PTPRN2: variants seen among roughly 807,000 people sequenced by gnomAD.
PTPRN2 encodes the protein receptor-type tyrosine-protein phosphatase N2.
In PTPRN2, 74 loss-of-function variants were observed where a neutral mutation model predicts 118.8. That is an observed-to-expected ratio of 0.62 (90% CI 0.52 to 0.76). PTPRN2 has a LOEUF of 0.76. PTPRN2 is among the 30% of genes least tolerant of loss of function. The pLI, the probability that PTPRN2 is intolerant of heterozygous loss-of-function variation, is 0.00. For synonymous variants in PTPRN2, 641 were observed against 608.0 expected, an observed-to-expected ratio of 1.05 and a Z score of -0.80; for missense variants, 1,481 against 1,394.4, an observed-to-expected ratio of 1.06 and a Z score of -0.99.
At chr7:157,946,789 AGT>A (rs1800515017) in intron 11 of PTPRN2, among the ~76,000 whole-genome samples, 1 of 152,260 alleles carries the variant, frequency 6.6e-6, no homozygotes, top group Non-Finnish European at 1.5e-5. Flanking sequence ...CCAGAAGCCA[AGT>A]GAGAGAACGG....
chr7:157,678,400 G>A lies in PTPRN2; in HGVS notation c.2001+4325C>T, dbSNP rs79631141. Among the ~76,000 whole-genome samples, 927 of 152,280 alleles carry A rather than the reference G, an allele frequency of 6.1e-3. 43 individuals are homozygous for A. In the South Asian group the frequency reaches 0.11, roughly 19 times the overall value. ...ATTACTCGTGATTACACCAATGCCT[G>A]AAGATTAAACTCACCTAGAGAAAGA... On this transcript the variant is annotated intron_variant, in intron 13 of 22. Transcript: ENST00000389418.
At chr7:157,952,691 C>T (rs1800912824) in intron 11 of PTPRN2, among the ~76,000 whole-genome samples, 1 of 152,122 alleles carries the variant, frequency 6.6e-6, no homozygotes, top group Non-Finnish European at 1.5e-5. Context: ...CTGGGTCTGT[C>T]AGCCTCTTTC....
At chr7:158,382,920 C>T (rs141905189) in intron 2 of PTPRN2, among the ~76,000 whole-genome samples, 170 of 152,304 alleles carry the variant, frequency 1.1e-3, no homozygotes, top group African/African-American at 3.8e-3. Flanking sequence ...AAACATATTG[C>T]ACTTGGATCT....
At chr7:157,686,441 C>T (rs1797197945) in intron 12 of PTPRN2, among the ~76,000 whole-genome samples, 1 of 152,184 alleles carries the variant, frequency 6.6e-6, no homozygotes, top group African/African-American at 2.4e-5. Context: ...AATCTTCAAA[C>T]TCCTGCTAGC....
In PTPRN2 at chr7:157,789,795, G is replaced by GTA. The variant is rs1491381726; in HGVS notation, c.1789-106859_1789-106858insTA. Among the ~76,000 whole-genome samples, 26 of 145,678 alleles carry GTA rather than the reference G, an allele frequency of 1.8e-4. 1 individual carries two copies. Among genetic ancestry groups the GTA allele is most frequent in the Admixed American group, 1.8e-3 (26 of 14,846 alleles). ...TGTGTGTGTATATGGTATGTGTGTG[G>GTA]TGTGTGTGTGATGTGTGTAGTATGT... On this transcript the variant is annotated intron_variant, in intron 12 of 22. Coordinates refer to ENST00000389418, the MANE Select transcript of PTPRN2 (RefSeq NM_002847.5).
intron 12 of PTPRN2, among the ~76,000 whole-genome samples, chr7:157,817,820 T>A (rs1352931281): frequency 6.6e-6 from 1 of 152,032 alleles, no homozygotes; most frequent in African/African-American, 2.4e-5. Context: ...TGTGTGCATG[T>A]TTGGTGTGTG....
chr7:158,386,975 C>T (rs2151364238), intron 2 of PTPRN2, among the ~76,000 whole-genome samples: 1 of 152,336 alleles, frequency 6.6e-6, no homozygotes, highest in South Asian at 2.1e-4. Flanking sequence ...GCACTCGCCA[C>T]AGGGGTGGGC....
chr7:158,269,804 GGACA>G (rs1202051430), intron 3 of PTPRN2, among the ~76,000 whole-genome samples: 1 of 151,372 alleles, frequency 6.6e-6, no homozygotes, highest in East Asian at 1.9e-4. Context: ...AGCAGGAGAG[GGACA>G]GAGACAGAGA....
chr7:157,544,987 T>C (rs1798213142), intron 22 of PTPRN2, among the ~76,000 whole-genome samples: 3 of 143,340 alleles, frequency 2.1e-5, no homozygotes, highest in African/African-American at 8.0e-5. Flanking sequence ...TGTGCAGGTG[T>C]GTGGGTGTGC....
chr7:157,583,797 G>A lies in PTPRN2; in HGVS notation c.2497-5657C>T, dbSNP rs543025053. Among the ~76,000 whole-genome samples the A allele has an allele frequency of 1.1e-4, 17 of 152,210 alleles. No individual in the cohort carries two copies. The East Asian group carries it at 3.3e-3, about 29-fold the overall frequency. Reference sequence around the variant, plus strand: ...CTCAGGAGGCTGAGGCAGGAGAACTGCTTGTGCCTGGAAGGCAGAGGTTGC... The same window carrying A: ...CTCAGGAGGCTGAGGCAGGAGAACTACTTGTGCCTGGAAGGCAGAGGTTGC... On this transcript the variant is annotated intron_variant, in intron 17 of 22. Transcript: ENST00000389418. This position sits in a 1 kb window ranked among gnomAD's most constrained non-coding sequence, Gnocchi z 5.5.
intron 12 of PTPRN2, among the ~76,000 whole-genome samples, chr7:157,744,565 A>C (rs36088156): frequency 6.6e-6 from 1 of 152,238 alleles, no homozygotes; most frequent in Non-Finnish European, 1.5e-5. Context: ...TAGAGGTATA[A>C]TATAGTAGCC....
chr7:158,210,131 CTTTTTT>C (rs869191127), intron 3 of PTPRN2, among the ~76,000 whole-genome samples: 1 of 108,666 alleles, frequency 9.2e-6, no homozygotes, highest in East Asian at 3.1e-4. Flanking sequence ...AATGATGCAT[CTTTTTT>C]TTTTTTTTTT....
chr7:157,993,195 C>G (rs1804383808), intron 11 of PTPRN2, among the ~76,000 whole-genome samples: 1 of 152,178 alleles, frequency 6.6e-6, no homozygotes, highest in Non-Finnish European at 1.5e-5. Flanking sequence ...GATTTTCTAT[C>G]AAAACGTAAA....
Position 158,557,857 on chromosome 7 carries a change from G to C in PTPRN2, c.112+29701C>G, listed in dbSNP as rs112903687. On this transcript the variant is annotated intron_variant, in intron 1 of 22. Transcript: ENST00000389418. ...GAAACCCCCGTGGTCCACTCTCCTA[G>C]TGAGGCACCTCGCCCTCTTCCCAGC... Among the ~76,000 whole-genome samples the C allele has an allele frequency of 7.6e-3, 1,158 of 152,302 alleles. 12 individuals carry two copies. The highest frequency in any genetic ancestry group is 0.026 in the African/African-American group (1,094 of 41,564).
At chr7:157,677,237 T>C (rs1458426131) in intron 13 of PTPRN2, among the ~76,000 whole-genome samples, 3 of 152,352 alleles carry the variant, frequency 2.0e-5, no homozygotes, top group Admixed American at 6.5e-5. Context: ...AGCCACAGAA[T>C]TCAGCCCTCC....
Position 158,255,515 on chromosome 7 carries a change from G to A in PTPRN2, c.278-50242C>T, listed in dbSNP as rs954641120. Among the ~76,000 whole-genome samples the A allele has an allele frequency of 3.3e-5, 5 of 152,352 alleles. No individual in the cohort carries two copies. The East Asian group carries it at 7.7e-4, about 24-fold the overall frequency. ...CAGCACGACAGCTTCAGGATTAAAA[G>A]TGGTTCACGGATTTGGGGAACTGCA... On this transcript the variant is annotated intron_variant, in intron 3 of 22. Transcript: ENST00000389418.
intron 1 of PTPRN2, among the ~76,000 whole-genome samples, chr7:158,534,374 G>A (rs555612498): frequency 9.7e-4 from 140 of 144,536 alleles, no homozygotes; most frequent in Middle Eastern, 4.0e-3. Flanking sequence ...CCTGGGCTCC[G>A]TCAGGGATGG....
chr7:157,963,838 T>C (rs1168806391), intron 11 of PTPRN2, among the ~76,000 whole-genome samples: 5 of 152,240 alleles, frequency 3.3e-5, no homozygotes, highest in African/African-American at 1.2e-4. Flanking sequence ...GCTACATTTC[T>C]CAAACTTAAT....
chr7:157,646,565 G>C (rs1394442043), intron 14 of PTPRN2, among the ~76,000 whole-genome samples: 2 of 152,148 alleles, frequency 1.3e-5, no homozygotes, highest in East Asian at 1.9e-4. Flanking sequence ...TAACACACCT[G>C]TCTAATGAAC....
Sources: allele counts gnomAD v4.1 joint callset (sites outside exome capture counted in the v4.1 genomes callset), GRCh38; gene constraint gnomAD v4.1.1; non-coding constraint Gnocchi (gnomAD v3.1); transcripts MANE v1.5; gene names NCBI Gene and HGNC (gene_info 2026-07-23, HGNC 2026-07-21).